The following FARSB variants were observed in gnomAD, a reference collection of about 807,000 sequenced individuals.
FARSB encodes the protein phenylalanyl-tRNA synthetase subunit beta.
Under a neutral mutation model 69.6 loss-of-function variants are expected in FARSB, and 40 were observed. The observed-to-expected ratio is 0.57, with a 90% CI of 0.45 to 0.75. The LOEUF (loss-of-function observed/expected upper bound fraction) is 0.75. Among genes scored for constraint, FARSB ranks in the 30% least tolerant of loss-of-function variants. The pLI is 0.00. For synonymous variants in FARSB, 235 were observed against 247.2 expected, an observed-to-expected ratio of 0.95 and a Z score of 0.46; for missense variants, 632 against 722.9, an observed-to-expected ratio of 0.87 and a Z score of 1.44.
intron 16 of FARSB, among the ~76,000 whole-genome samples, chr2:222,590,889 T>C (rs1690251351): frequency 6.6e-6 from 1 of 152,188 alleles, no homozygotes; most frequent in East Asian, 1.9e-4. Flanking sequence ...TTTTAATTTT[T>C]TATAATAACA....
At position 222,624,321 on chromosome 2, in the gene FARSB, T is replaced by C. The variant is rs1691213187; in HGVS notation, c.1121A>G (p.Tyr374Cys). Reference sequence around the variant, plus strand: ...CGGGAGAGTCATCTGAATGTTGTTATATCCATAAGCAATAGCTGCATCTTC... The same window carrying C: ...CGGGAGAGTCATCTGAATGTTGTTACATCCATAAGCAATAGCTGCATCTTC... ...IVEDAAIAYGYNNIQMTLPKT... is the reference protein window; with the variant it reads ...IVEDAAIAYGCNNIQMTLPKT... Residue 374 changes from tyrosine (Y) to cysteine (C), a missense_variant, in exon 12 of 17, where the codon TAT (tyrosine) becomes TGT (cysteine). Transcript: ENST00000281828. 2 of 1,612,936 alleles carry C rather than the reference T, an allele frequency of 1.2e-6. No homozygotes were observed. The highest frequency in any genetic ancestry group is 1.7e-5 in the Admixed American group (1 of 60,002).
rs201551260 is a variant in FARSB, at chr2:222,656,082, G to T, written c.-9C>A. 4.4e-6 allele frequency: 7 copies of T among 1,588,038 alleles called. No individual in the cohort carries two copies. Among genetic ancestry groups the T allele is most frequent in the Non-Finnish European group, 5.1e-6 (6 of 1,168,708 alleles). Reference sequence around the variant, plus strand: ...ACGCTGACAGTCGGCATGGTGTGTCGAACTCACTGCGCCTGCGCAGCGAGC... The same window carrying T: ...ACGCTGACAGTCGGCATGGTGTGTCTAACTCACTGCGCCTGCGCAGCGAGC... On this transcript the variant is annotated 5_prime_UTR_variant, in exon 1 of 17. Transcript: ENST00000281828.
Position 222,630,160 on chromosome 2 carries a change from A to G in FARSB, c.801T>C (p.Leu267=). Residue 267 remains leucine, a synonymous_variant, in exon 9 of 17, where the codon CTT becomes CTC. Coordinates refer to ENST00000281828, the MANE Select transcript of FARSB (RefSeq NM_005687.5). The part of the protein sequence containing the change: ...GTDFTKAKIV[L]DIIVTMFSEY... ...CACTGAACATGGTGACAATAATATC[A>G]AGAACTATTTTTGCCTGCAAAGAAA... 6.5e-7 allele frequency: 1 copy of G among 1,542,676 alleles called. No individual in the cohort carries two copies. Among genetic ancestry groups the G allele is most frequent in the Non-Finnish European group, 8.7e-7 (1 of 1,143,328 alleles).
chr2:222,598,773 C>G (rs1489735280), intron 16 of FARSB, among the ~76,000 whole-genome samples: 1 of 152,116 alleles, frequency 6.6e-6, no homozygotes, highest in Non-Finnish European at 1.5e-5. Flanking sequence ...CTTTAACTTG[C>G]CTAACCCCAG....
intron 16 of FARSB, among the ~76,000 whole-genome samples, chr2:222,581,234 A>G (rs1689962021): frequency 6.6e-6 from 1 of 152,248 alleles, no homozygotes; most frequent in South Asian, 2.1e-4. Flanking sequence ...TATTGGGAAT[A>G]CTTTAAATGA....
intron 2 of FARSB, among the ~76,000 whole-genome samples, chr2:222,643,791 A>G (rs1375475476): frequency 2.6e-5 from 4 of 152,224 alleles, no homozygotes; most frequent in Admixed American, 2.0e-4. Flanking sequence ...GACAGAAGAA[A>G]CACCACTAGA....
intron 1 of FARSB, among the ~76,000 whole-genome samples, chr2:222,655,176 T>A (rs1056181181): frequency 6.6e-6 from 1 of 151,472 alleles, no homozygotes; most frequent in East Asian, 1.9e-4. Context: ...AGCCTGGGAG[T>A]GCAGACTCCG....
chr2:222,574,683 T>C (rs1056423136), intron 16 of FARSB, among the ~76,000 whole-genome samples: 3 of 152,224 alleles, frequency 2.0e-5, no homozygotes, highest in African/African-American at 7.2e-5. Flanking sequence ...AACTCGACTT[T>C]GCTGAAACTG....
In FARSB at chr2:222,624,492, T is replaced by C. The variant is rs1691217638; in HGVS notation, c.963-13A>G. Reference sequence around the variant, plus strand: ...TTCTGGAGTTTCTCTGAAAAAGGAATGAACAAACCATAAACTTCATTGGAT... The same window carrying C: ...TTCTGGAGTTTCTCTGAAAAAGGAACGAACAAACCATAAACTTCATTGGAT... On this transcript the variant is annotated splice_polypyrimidine_tract_variant and intron_variant, in intron 11 of 16. Coordinates refer to ENST00000281828, the MANE Select transcript of FARSB (RefSeq NM_005687.5). 1.3e-6 allele frequency: 2 copies of C among 1,548,372 alleles called. No homozygotes were observed. Among genetic ancestry groups the C allele is most frequent in the South Asian group, 2.2e-5 (2 of 89,678 alleles).
At chr2:222,640,621 T>C (rs1218212999) in intron 4 of FARSB, among the ~76,000 whole-genome samples, 1 of 152,172 alleles carries the variant, frequency 6.6e-6, no homozygotes, top group African/African-American at 2.4e-5. Context: ...CCGGGTGTGG[T>C]GGCGTGTGCC....
chr2:222,626,990 C>T (rs1463182160), intron 10 of FARSB, among the ~76,000 whole-genome samples: 1 of 152,024 alleles, frequency 6.6e-6, no homozygotes, highest in Non-Finnish European at 1.5e-5. Context: ...GAGCCGAGAT[C>T]GCGCCACTGC....
chr2:222,599,933 G>T lies in FARSB; in HGVS notation c.1613C>A (p.Ser538Ter), dbSNP rs1291219767. Residue 538 changes from serine to a stop codon, truncating the protein, a stop_gained, in exon 16 of 17, where the codon TCA (serine) becomes TAA (stop). Transcript: ENST00000281828. LOFTEE classifies it high-confidence loss of function. ...ATTCGGCTCATCTGTCTTACCTTCT[G>T]ATGCTTTGATCACATATCCCCCCTT... ...EDKGGYVIKA[S>*]EGPAFFPGRC... 4.4e-6 allele frequency: 7 copies of T among 1,594,112 alleles called. No homozygotes were observed. Among genetic ancestry groups the T allele is most frequent in the Non-Finnish European group, 6.0e-6 (7 of 1,174,810 alleles).
intron 16 of FARSB, among the ~76,000 whole-genome samples, chr2:222,582,447 G>GA (rs1477733442): frequency 6.6e-6 from 1 of 152,186 alleles, no homozygotes; most frequent in Admixed American, 6.5e-5. Context: ...ATAACCTATA[G>GA]AGGCAGGGAG....
At position 222,603,172 on chromosome 2, in the gene FARSB, T is replaced by G. The variant is rs987173265; in HGVS notation, c.1463-3089A>C. Among the ~76,000 whole-genome samples, 5 of 152,276 alleles carry G rather than the reference T, an allele frequency of 3.3e-5. No homozygotes were observed. The East Asian group carries it at 9.6e-4, about 29-fold the overall frequency. ...AAACATAGAACGAATGCTGGCCTCA[T>G]TTTGCTTTCCAAATTAAAAAGAGAA... On this transcript the variant is annotated intron_variant, in intron 15 of 16. Transcript: ENST00000281828.
intron 9 of FARSB, among the ~76,000 whole-genome samples, chr2:222,629,579 G>A (rs1691365407): frequency 6.6e-6 from 1 of 152,078 alleles, no homozygotes; most frequent in Non-Finnish European, 1.5e-5. Flanking sequence ...GATTGTATCA[G>A]CTGGCAGTAA....
chr2:222,633,351 T>G (rs1335203416), intron 6 of FARSB, 44 bp from the exon 7 acceptor site: 6 of 941,518 alleles, frequency 6.4e-6, no homozygotes, highest in Non-Finnish European at 8.4e-6. Flanking sequence ...TTTTTTTTAA[T>G]TTCTATCACT....
intron 10 of FARSB, among the ~76,000 whole-genome samples, chr2:222,628,224 G>A (rs1691325614): frequency 6.6e-6 from 1 of 152,144 alleles, no homozygotes; most frequent in African/African-American, 2.4e-5. Context: ...AAGTTCTATT[G>A]TTCTACAGCA....
chr2:222,628,949 T>G, intron 9 of FARSB, 61 bp from the exon 10 acceptor site: 2 of 1,155,556 alleles, frequency 1.7e-6, no homozygotes, highest in Non-Finnish European at 1.3e-6. Flanking sequence ...ATTACAGACA[T>G]GAGTATGGTT....
In FARSB at chr2:222,623,698, T is replaced by C. The variant is rs1363567576; in HGVS notation, c.1203A>G (p.Arg401=). Residue 401 remains arginine (R), a synonymous_variant, in exon 13 of 17, where the codon CGA becomes CGG. Coordinates refer to ENST00000281828, the MANE Select transcript of FARSB (RefSeq NM_005687.5). ...FPLNKLTELL[R]HDMAAAGFTE... is the part of the protein sequence containing the mutation. ...TGAAGCCAGCGGCTGCCATGTCATG[T>C]CGGAGAAGTTCAGTGAGCTTATTAA... 6.2e-7 allele frequency: 1 copy of C among 1,612,368 alleles called. No homozygotes were observed. The highest frequency in any genetic ancestry group is 1.1e-5 in the South Asian group (1 of 91,018).
Sources: gnomAD v4.1 joint callset for allele counts (sites outside exome capture counted in the v4.1 genomes callset) on GRCh38, gnomAD v4.1.1 for gene constraint, MANE v1.5 for transcripts, NCBI Gene and HGNC (gene_info 2026-07-23, HGNC 2026-07-21) for gene names.